The following YTHDC2 variants were observed in gnomAD, a reference collection of about 807,000 sequenced individuals.
YTHDC2 encodes YTH N6-methyladenosine RNA binding protein C2.
YTHDC2 carries 45 observed loss-of-function variants against 174.9 expected under a neutral mutation model. The observed-to-expected ratio is 0.26, with a 90% CI of 0.20 to 0.33. The LOEUF (loss-of-function observed/expected upper bound fraction) is 0.33, where lower values mean the gene tolerates loss of function less well. YTHDC2 is among the 10% of genes least tolerant of loss of function. The pLI, the probability that YTHDC2 is intolerant of heterozygous loss-of-function variation, is 1.00. For missense variants in YTHDC2, 1,650 were observed against 1,723.7 expected (o/e 0.96, Z 0.76); for synonymous variants, 657 against 574.5 (o/e 1.14, Z -2.05).
At chr5:113,566,977 T>G in intron 21 of YTHDC2, 115 bp from the exon 22 acceptor site, 7 of 1,157,458 alleles carry the variant, frequency 6.0e-6, no homozygotes, top group Non-Finnish European at 8.4e-6. Context: ...TTCTATTAAT[T>G]ATCGTGAAAT....
chr5:113,560,521 T>A (rs539406010), intron 17 of YTHDC2, among the ~76,000 whole-genome samples: 1 of 152,306 alleles, frequency 6.6e-6, no homozygotes, highest in South Asian at 2.1e-4. Flanking sequence ...CAAGAATATT[T>A]CTATATCTCT....
At chr5:113,522,134 G>GTTTTTTTTTTTTTTTTTTTTT (rs371407386) in intron 2 of YTHDC2, among the ~76,000 whole-genome samples, 1 of 106,342 alleles carries the variant, frequency 9.4e-6, no homozygotes, top group South Asian at 3.9e-4. Flanking sequence ...TGTTTTTTTT[G>GTTTTTTTTTTTTTTTTTTTTT]TTTTTTGTTT....
chr5:113,566,162 T>C, intron 21 of YTHDC2, 143 bp downstream of exon 21: 1 of 979,552 alleles, frequency 1.0e-6, no homozygotes. Context: ...GCATGATTTG[T>C]AGACTTCGAT....
chr5:113,525,894 T>G (rs1000752086), intron 3 of YTHDC2, among the ~76,000 whole-genome samples: 5 of 152,074 alleles, frequency 3.3e-5, no homozygotes, highest in African/African-American at 9.7e-5. Flanking sequence ...TCAAAGAACT[T>G]TCACTTTAAA....
In YTHDC2 at chr5:113,581,658, G is replaced by C; in HGVS notation, c.3596G>C (p.Arg1199Thr). 1 of 1,611,804 alleles carries C rather than the reference G, an allele frequency of 6.2e-7. No individual in the cohort carries two copies. The highest frequency in any genetic ancestry group is 8.5e-7 in the Non-Finnish European group (1 of 1,179,254). ...LASSWRSNNSRKSSADTEFSD... is the reference protein window; with the variant it reads ...LASSWRSNNSTKSSADTEFSD... ...TCATCTTGGAGGTCAAATAATAGTA[G>C]GAAAAGTTCAGCAGATACTGAATTT... Residue 1199 changes from arginine to threonine, a missense_variant, in exon 25 of 30, where the codon AGG (arginine) becomes ACG (threonine). By Grantham distance (71) the Arg-to-Thr change is moderately conservative (BLOSUM62 -1). Around this residue, in one of 5 missense-constraint regions of YTHDC2, gnomAD observed 913 missense variants for 940.4 expected, o/e 0.97. Transcript: ENST00000161863.
At chr5:113,563,556 AT>A in intron 19 of YTHDC2, 64 bp downstream of exon 19, 3 of 1,486,262 alleles carry the variant, frequency 2.0e-6, no homozygotes, top group Admixed American at 2.2e-5. Flanking sequence ...CTAAAAGGAA[AT>A]ATGTCTTAAC....
chr5:113,572,587 T>G (rs1777799489), intron 23 of YTHDC2, among the ~76,000 whole-genome samples: 4 of 152,228 alleles, frequency 2.6e-5, no homozygotes, highest in Admixed American at 2.6e-4. Context: ...CCACTATTAT[T>G]GTATGGGAGT....
At chr5:113,529,338 T>C (rs1349453202) in intron 4 of YTHDC2, among the ~76,000 whole-genome samples, 1 of 152,316 alleles carries the variant, frequency 6.6e-6, no homozygotes, top group African/African-American at 2.4e-5. Context: ...TTGTACTTAC[T>C]TGTATCCTAA....
chr5:113,541,737 TAAA>T (rs1775485813), intron 9 of YTHDC2, among the ~76,000 whole-genome samples: 1 of 152,068 alleles, frequency 6.6e-6, no homozygotes, highest in Non-Finnish European at 1.5e-5. Context: ...AAATTGGTAA[TAAA>T]AATTGTTATT....
Position 113,588,427 on chromosome 5 carries a change from A to G in YTHDC2, c.3826-2614A>G, listed in dbSNP as rs149511103. On this transcript the variant is annotated intron_variant, in intron 26 of 29. Transcript: ENST00000161863. ...GGGATCTTTGTTCATGAGGGGTATT[A>G]TTCTGTAGTTCTTTTTTCTTATGTA... Among the ~76,000 whole-genome samples, 75 of 152,020 alleles carry G rather than the reference A, an allele frequency of 4.9e-4. 2 individuals carry two copies. The East Asian group carries it at 0.015, about 29-fold the overall frequency.
At chr5:113,587,780 T>C (rs4705831) in intron 26 of YTHDC2, among the ~76,000 whole-genome samples, 93,759 of 150,770 alleles carry the variant, frequency 0.62, 31,676 homozygotes, top group African/African-American at 0.9. Flanking sequence ...AAAGTCAGCT[T>C]ATCAGTTTCT....
In YTHDC2 at chr5:113,592,097, A is replaced by C. The variant is rs750735605; in HGVS notation, c.4131A>C (p.Glu1377Asp). The C allele has an allele frequency of 1.9e-5, 30 of 1,613,230 alleles. No individual in the cohort carries two copies. The highest frequency in any genetic ancestry group is 2.4e-5 in the Non-Finnish European group (28 of 1,179,646). ...GVFKVEWIRK[E>D]SLPFQFAHHL... ...TTAAGGTGGAGTGGATACGAAAAGA[A>C]AGCCTTCCCTTTCAATTTGCACACC... is the stretch of plus-strand genomic sequence containing the variant. The change falls in exon 28 of 30, where the codon GAA becomes GAC. Residue 1377 changes from glutamate (E) to aspartate (D), a missense_variant. This residue lies in a region of YTHDC2 where 913 missense variants were observed against 940.4 expected (regional missense o/e 0.97). Transcript: ENST00000161863.
intron 4 of YTHDC2, among the ~76,000 whole-genome samples, chr5:113,531,189 AC>A (rs35071580): frequency 0.034 from 5,230 of 152,206 alleles, 140 homozygotes; most frequent in African/African-American, 0.075. Context: ...GGTGGTACTT[AC>A]GCATTTATGC....
chr5:113,513,729 T>C lies in YTHDC2; in HGVS notation c.-167T>C, dbSNP rs925597172. The C allele has an allele frequency of 1.4e-4, 98 of 713,414 alleles. No homozygotes were observed. The highest frequency in any genetic ancestry group is 2.6e-4 in the Admixed American group (7 of 26,818). 44.2% of individuals were successfully genotyped at this position (713,414 alleles called of 1,614,324 possible). A position where few individuals can be genotyped will look rare whatever the true frequency, so the allele number is the denominator to read the frequency against. On this transcript the variant is annotated 5_prime_UTR_variant, in exon 1 of 30. Coordinates refer to ENST00000161863, the MANE Select transcript of YTHDC2 (RefSeq NM_022828.5). ...TGGCCGTGATATCAATGGCGCAGGC[T>C]TCACTTCTGCTGTGGCGGTGACTGA...
chr5:113,518,749 C>T (rs1308110922), intron 2 of YTHDC2, among the ~76,000 whole-genome samples: 1 of 151,974 alleles, frequency 6.6e-6, no homozygotes, highest in Non-Finnish European at 1.5e-5. Context: ...AAATAGATTC[C>T]AGACTTATTG....
chr5:113,530,736 A>T (rs988636311), intron 4 of YTHDC2, among the ~76,000 whole-genome samples: 12 of 150,882 alleles, frequency 8.0e-5, no homozygotes, highest in South Asian at 2.1e-4. Context: ...AGTTAAAAAA[A>T]TTTTTTTTTT....
chr5:113,548,982 T>G lies in YTHDC2; in HGVS notation c.1650T>G (p.Phe550Leu). Residue 550 changes from phenylalanine to leucine, a missense_variant, in exon 12 of 30, where the codon TTT becomes TTG. Physicochemically the swap from Phe to Leu is conservative, Grantham distance 22 (BLOSUM62 0). Coordinates refer to ENST00000161863, the MANE Select transcript of YTHDC2 (RefSeq NM_022828.5). Reference sequence around the variant, plus strand: ...TGGCATTGGATTGGGCTAAACACTTTGGGCAGACTGAAATTGTGGATCTTC... The same window carrying G: ...TGGCATTGGATTGGGCTAAACACTTGGGGCAGACTGAAATTGTGGATCTTC... ...GWMALDWAKH[F>L]GQTEIVDLLE... The G allele has an allele frequency of 6.2e-7, 1 of 1,613,262 alleles. No individual in the cohort carries two copies. Among genetic ancestry groups the G allele is most frequent in the Non-Finnish European group, 8.5e-7 (1 of 1,179,490 alleles).
chr5:113,559,492 G>A lies in YTHDC2; in HGVS notation c.2217-1588G>A, dbSNP rs573022805. 6.3e-4 allele frequency among the ~76,000 whole-genome samples: 96 copies of A among 152,240 alleles called. 3 individuals are homozygous for A. The South Asian group carries it at 0.02, about 31-fold the overall frequency. On this transcript the variant is annotated intron_variant, in intron 17 of 29. Transcript: ENST00000161863. Reference sequence around the variant, plus strand: ...AACTCATTTTAAGAAGGGATGAGATGATGTTAAAGATAAAGCCCATAGCAC... The same window carrying A: ...AACTCATTTTAAGAAGGGATGAGATAATGTTAAAGATAAAGCCCATAGCAC...
At chr5:113,579,480 G>A (rs1778262203) in intron 23 of YTHDC2, 106 bp from the exon 24 acceptor site, 1 of 645,488 alleles carries the variant, frequency 1.5e-6, no homozygotes. Context: ...ACAAATTGTT[G>A]TATGTCAGGA....
Sources: gnomAD v4.1 joint callset for allele counts (sites outside exome capture counted in the v4.1 genomes callset) on GRCh38, gnomAD v4.1.1 for gene constraint, gnomAD v4.1.1 regional missense constraint, MANE v1.5 for transcripts, NCBI Gene and HGNC (gene_info 2026-07-23, HGNC 2026-07-21) for gene names.